ANK2: variants seen among roughly 807,000 people sequenced by gnomAD.
ANK2 encodes the protein ankyrin 2, also known as ankyrin-2.
In ANK2, 83 loss-of-function variants were observed where a neutral mutation model predicts 360.5. That is an observed-to-expected ratio of 0.23 (90% CI 0.19 to 0.28). ANK2 has a LOEUF of 0.28. Ranked by LOEUF, ANK2 falls within the 10% of genes least tolerant of loss-of-function variation. The probability of loss-of-function intolerance (pLI) is 1.00; values close to 1 mark genes in which losing one functional copy is unlikely to be tolerated. For synonymous variants in ANK2, 1,740 were observed against 1,759.5 expected, an observed-to-expected ratio of 0.99 and a Z score of 0.28; for missense variants, 4,201 against 4,795.7, an observed-to-expected ratio of 0.88 and a Z score of 3.66.
intron 24 of ANK2, chr4:113,317,419 T>A: frequency 2.3e-6 from 1 of 434,572 alleles, no homozygotes; most frequent in Non-Finnish European, 4.3e-6. Context: ...AAACTACAGT[T>A]GCTGGTTTCA....
chr4:113,238,481 C>T (rs2099401064), intron 7 of ANK2, among the ~76,000 whole-genome samples: 1 of 152,010 alleles, frequency 6.6e-6, no homozygotes, highest in South Asian at 2.1e-4. Flanking sequence ...TCTTTTGTTC[C>T]CTATCGTTGC....
At chr4:112,986,282 T>C (rs913212404) in intron 2 of ANK2, among the ~76,000 whole-genome samples, 10 of 152,046 alleles carry the variant, frequency 6.6e-5, no homozygotes, top group Non-Finnish European at 1.2e-4. Flanking sequence ...TATAAGTGCT[T>C]TTTAACATTA....
At chr4:113,019,926 T>C (rs1339924287) in intron 2 of ANK2, among the ~76,000 whole-genome samples, 6 of 152,084 alleles carry the variant, frequency 3.9e-5, no homozygotes, top group Non-Finnish European at 8.8e-5. Flanking sequence ...TGCAACTGTA[T>C]AGATAAGGGG....
chr4:113,239,968 G>T (rs2038830082), intron 7 of ANK2, among the ~76,000 whole-genome samples: 2 of 152,310 alleles, frequency 1.3e-5, no homozygotes, highest in Non-Finnish European at 1.5e-5. Flanking sequence ...TGTAAATGAT[G>T]TGGAACAAAT....
rs575682717 is a variant in ANK2 at position 113,099,923 on chromosome 4, G to A, written c.84+50111G>A. Among the ~76,000 whole-genome samples the A allele has an allele frequency of 1.7e-4, 26 of 152,090 alleles. No homozygotes were observed. In the South Asian group the frequency reaches 3.9e-3, roughly 23 times the overall value. The stretch of plus-strand genomic sequence containing the variant: ...CTGGAATAACTGCATACCCACATGC[G>A]ACAAAAAGTGAATCTAGTGGCAGAT... On this transcript the variant is annotated intron_variant, in intron 1 of 45. Coordinates refer to ENST00000357077, the MANE Select transcript of ANK2 (RefSeq NM_001148.6).
intron 2 of ANK2, among the ~76,000 whole-genome samples, chr4:112,975,774 GTATTATGATGATCAGATA>G (rs1274935657): frequency 1.3e-5 from 2 of 152,058 alleles, no homozygotes; most frequent in African/African-American, 2.4e-5. Flanking sequence ...CAGTTCCTCT[GTATTATGATGATCAGATA>G]TATCATTTAA....
Position 113,320,676 on chromosome 4 carries a change from C to CA in ANK2, c.2900+2064dup, listed in dbSNP as rs774546516. 1.9e-4 allele frequency among the ~76,000 whole-genome samples: 29 copies of CA among 151,402 alleles called. No homozygotes were observed. In the East Asian group the frequency reaches 1.9e-3, roughly 10 times the overall value. On this transcript the variant is annotated intron_variant, in intron 26 of 45. Transcript: ENST00000357077. ...TCTCCAAAAAAAACAAAAACAAAAA[C>CA]AAAAAAAACTAGTGCCCAGGCCTCA...
chr4:113,210,203 G>C (rs1562910618), intron 4 of ANK2, among the ~76,000 whole-genome samples: 1 of 152,160 alleles, frequency 6.6e-6, no homozygotes, highest in Non-Finnish European at 1.5e-5. Flanking sequence ...TATGCTTGGG[G>C]AGCCTGCAGG....
chr4:113,269,234 G>A (rs530841698), intron 14 of ANK2, among the ~76,000 whole-genome samples: 7 of 152,208 alleles, frequency 4.6e-5, no homozygotes, highest in Non-Finnish European at 8.8e-5. Flanking sequence ...GATCCACTGA[G>A]CTAGACCACT....
chr4:113,374,006 C>T (rs960490343), intron 45 of ANK2, among the ~76,000 whole-genome samples: 1 of 152,202 alleles, frequency 6.6e-6, no homozygotes, highest in Non-Finnish European at 1.5e-5. Flanking sequence ...CTCACTGCAA[C>T]CTCCACCTCC....
At chr4:112,902,580 G>A (rs138543450) in intron 1 of ANK2, among the ~76,000 whole-genome samples, 29 of 152,214 alleles carry the variant, frequency 1.9e-4, no homozygotes, top group South Asian at 1.0e-3. Flanking sequence ...AGTCTTTTTC[G>A]TAGAAAGTTC....
intron 2 of ANK2, among the ~76,000 whole-genome samples, chr4:112,939,185 A>G (rs1210737083): frequency 6.6e-6 from 1 of 152,224 alleles, no homozygotes; most frequent in Non-Finnish European, 1.5e-5. Context: ...TTTCATGGCT[A>G]TTTTGTTAAG....
At chr4:112,746,491 G>A in the ANK2 span, among the ~76,000 whole-genome samples, 1 of 137,474 alleles carries the variant, frequency 7.3e-6, no homozygotes, top group South Asian at 2.4e-4. Context: ...TTGGGCAACC[G>A]AGTGAGATGC....
At chr4:112,912,684 T>C (rs2088077981) in intron 2 of ANK2, among the ~76,000 whole-genome samples, 1 of 152,038 alleles carries the variant, frequency 6.6e-6, no homozygotes, top group South Asian at 2.1e-4. Flanking sequence ...TTTGATATTA[T>C]TAGGAAGAAG....
In ANK2 at chr4:113,354,224, C is replaced by T. The variant is rs983680857; in HGVS notation, c.5606C>T (p.Ala1869Val). Reference protein sequence around the residue: ...PSAKTERHSPASSSSKTEKHS... With the variant: ...PSAKTERHSPVSSSSKTEKHS... ...GCAAAAACGGAAAGACATTCACCTG[C>T]GTCATCATCGAGTAAAACTGAGAAA... Residue 1869 changes from alanine (A) to valine (V), a missense_variant, in exon 38 of 46, where the codon GCG becomes GTG. Around this residue, in one of 4 missense-constraint regions of ANK2, gnomAD observed 2,642 missense variants for 2,714.5 expected, o/e 0.97. Transcript: ENST00000357077. 8 of 1,613,808 alleles carry T rather than the reference C, an allele frequency of 5.0e-6. No homozygotes were observed. The highest frequency in any genetic ancestry group is 2.7e-5 in the African/African-American group (2 of 74,948).
intron 1 of ANK2, among the ~76,000 whole-genome samples, chr4:113,127,958 T>C (rs1363062737): frequency 6.6e-6 from 1 of 152,134 alleles, no homozygotes; most frequent in Non-Finnish European, 1.5e-5. Flanking sequence ...AAAAATAACT[T>C]TAAAGTTATA....
Position 113,232,181 on chromosome 4 carries a change from C to T in ANK2, c.405C>T (p.Tyr135=), listed in dbSNP as rs779764410. The T allele has an allele frequency of 6.2e-7, 1 of 1,601,702 alleles. No individual in the cohort carries two copies. Among genetic ancestry groups the T allele is most frequent in the East Asian group, 2.2e-5 (1 of 44,802 alleles). ...CTCAGAATGGCTTTACTCCTTTATA[C>T]ATGGCTGCCCAAGAGAATCACATTG... ...AQSQNGFTPL[Y]MAAQENHIDV... is the part of the protein sequence containing the mutation. Residue 135 remains tyrosine, a synonymous_variant, in exon 5 of 46, where the codon TAC becomes TAT. Coordinates refer to ENST00000357077, the MANE Select transcript of ANK2 (RefSeq NM_001148.6).
upstream of ANK2, among the ~76,000 whole-genome samples, chr4:113,045,201 A>G (rs1180664379): frequency 6.6e-6 from 1 of 152,212 alleles, no homozygotes; most frequent in Non-Finnish European, 1.5e-5. Flanking sequence ...ATGGTTTAAT[A>G]AAATAGAATA....
At chr4:112,977,569 TA>T (rs1171239618) in intron 2 of ANK2, among the ~76,000 whole-genome samples, 41 of 151,764 alleles carry the variant, frequency 2.7e-4, no homozygotes, top group African/African-American at 8.7e-4. Context: ...ATTTTTATTT[TA>T]TTTTTTTTTT....
Sources: gnomAD v4.1 joint callset for allele counts (sites outside exome capture counted in the v4.1 genomes callset) on GRCh38, gnomAD v4.1.1 for gene constraint, gnomAD v4.1.1 regional missense constraint, MANE v1.5 for transcripts, NCBI Gene and HGNC (gene_info 2026-07-23, HGNC 2026-07-21) for gene names.